ADGRG4: variants seen among roughly 807,000 people sequenced by gnomAD.
ADGRG4 encodes the protein G protein-coupled receptor 112.
ADGRG4 carries 122 observed loss-of-function variants against 126.2 expected under a neutral mutation model. That is an observed-to-expected ratio of 0.97 (90% CI 0.83 to 1.12). The LOEUF (loss-of-function observed/expected upper bound fraction) is 1.12, where lower values mean the gene tolerates loss of function less well. Among genes scored for constraint, ADGRG4 ranks in the 50% most tolerant of loss-of-function variants. The pLI is 0.00. For missense variants in ADGRG4, 2,481 were observed against 2,251.8 expected, an observed-to-expected ratio of 1.10 and a Z score of -2.06; for synonymous variants, 943 against 838.7, an observed-to-expected ratio of 1.12 and a Z score of -2.15.
In ADGRG4 at chrX:136,347,731, C is replaced by T; in HGVS notation, c.4025C>T (p.Thr1342Ile). 1 of 1,210,598 alleles carries T rather than the reference C, an allele frequency of 8.3e-7. No homozygotes were observed. Among genetic ancestry groups the T allele is most frequent in the South Asian group, 1.8e-5 (1 of 56,953 alleles). Residue 1342 changes from threonine to isoleucine, a missense_variant, in exon 6 of 26, where the codon ACC (threonine) becomes ATC (isoleucine). Coordinates refer to ENST00000394143, the MANE Select transcript of ADGRG4 (RefSeq NM_153834.4). Reference protein sequence around the residue: ...PTSGSTQITPTLTSSNTVGVH... With the variant: ...PTSGSTQITPILTSSNTVGVH... ...TCTGGAAGCACACAGATTACACCAA[C>T]CTTGACCTCAAGTAACACAGTAGGT...
intron 4 of ADGRG4, among the ~76,000 whole-genome samples, chrX:136,313,221 G>C (rs1325643545): frequency 1.8e-5 from 2 of 111,997 alleles, no homozygotes; most frequent in South Asian, 3.8e-4. Context: ...ACATTTTGAG[G>C]AGCACGCAGA....
intron 18 of ADGRG4, among the ~76,000 whole-genome samples, 191 bp downstream of exon 18, chrX:136,393,771 G>A (rs1343201387): frequency 9.0e-6 from 1 of 111,402 alleles, no homozygotes; most frequent in Non-Finnish European, 1.9e-5. Flanking sequence ...CTTTTTGATA[G>A]GTAAGATCTC....
chrX:136,385,391 T>G (rs1041913232), intron 15 of ADGRG4, among the ~76,000 whole-genome samples: 1 of 112,267 alleles, frequency 8.9e-6, no homozygotes, highest in African/African-American at 3.2e-5. Flanking sequence ...GTTATATACC[T>G]TAAATACACA....
chrX:136,331,814 T>C (rs759169918), intron 5 of ADGRG4, among the ~76,000 whole-genome samples: 1 of 108,572 alleles, frequency 9.2e-6, no homozygotes, highest in South Asian at 4.0e-4. Context: ...AAAAATATAT[T>C]CTAATTTTTT....
Position 136,349,328 on chromosome X carries a change from T to C in ADGRG4, c.5622T>C (p.Asn1874=), listed in dbSNP as rs752037695. 2.2e-4 allele frequency: 262 copies of C among 1,207,825 alleles called. No individual in the cohort carries two copies. The Admixed American group carries it at 5.7e-3, about 26-fold the overall frequency. The part of the protein sequence containing the change: ...PVLGTRMTSS[N]TQPLLMTSWN... The stretch of plus-strand genomic sequence containing the variant: ...TGGGAACAAGAATGACATCTAGTAA[T>C]ACCCAACCTCTGCTTATGACTTCCT... Residue 1874 remains asparagine, a synonymous_variant, in exon 6 of 26, where the codon AAT becomes AAC. Coordinates refer to ENST00000394143, the MANE Select transcript of ADGRG4 (RefSeq NM_153834.4).
chrX:136,319,723 CT>C (rs1787299419), intron 4 of ADGRG4, among the ~76,000 whole-genome samples: 2 of 108,954 alleles, frequency 1.8e-5, no homozygotes, highest in East Asian at 2.9e-4. Context: ...ATCTATCTAT[CT>C]ATCTATCTAT....
At position 136,349,496 on chromosome X, in the gene ADGRG4, A is replaced by T. The variant is rs1300833166; in HGVS notation, c.5790A>T (p.Val1930=). The T allele has an allele frequency of 2.5e-6, 3 of 1,204,648 alleles. No homozygotes were observed. The highest frequency in any genetic ancestry group is 3.4e-6 in the Non-Finnish European group (3 of 889,140). Residue 1930 remains valine (V), a synonymous_variant, in exon 6 of 26, where the codon GTA becomes GTT. Coordinates refer to ENST00000394143, the MANE Select transcript of ADGRG4 (RefSeq NM_153834.4). ...STFTASQTGL[V]SKDVMAMSSI... is the part of the protein sequence containing the mutation. ...TCACAGCCTCTCAGACTGGTCTAGT[A>T]TCTAAAGATGTCATGGCAATGTCAT...
chrX:136,391,330 T>G, intron 16 of ADGRG4, among the ~76,000 whole-genome samples: 1 of 111,638 alleles, frequency 9.0e-6, no homozygotes, highest in East Asian at 2.8e-4. Context: ...TCTTCACATG[T>G]GCCTGTGCCC....
chrX:136,333,288 T>G (rs755429507), intron 5 of ADGRG4, among the ~76,000 whole-genome samples: 1 of 110,968 alleles, frequency 9.0e-6, no homozygotes, highest in Admixed American at 9.5e-5. Flanking sequence ...GGCAAGGACT[T>G]CATGTATTTT....
chrX:136,345,045 C>T lies in ADGRG4; in HGVS notation c.1339C>T (p.Pro447Ser), dbSNP rs2075004385. The T allele has an allele frequency of 8.3e-7, 1 of 1,210,380 alleles. No individual in the cohort carries two copies. Among genetic ancestry groups the T allele is most frequent in the Non-Finnish European group, 1.1e-6 (1 of 894,360 alleles). The change falls in exon 6 of 26, where the codon CCT (proline) becomes TCT (serine). Residue 447 changes from proline to serine, a missense_variant. Coordinates refer to ENST00000394143, the MANE Select transcript of ADGRG4 (RefSeq NM_153834.4). ...FIESTAAGTV[P>S]WFTVEKTSPA... is the part of the protein sequence containing the mutation. ...TGAATCTACAGCTGCCGGAACTGTA[C>T]CTTGGTTTACAGTGGAAAAGACTTC...
chrX:136,332,946 T>G (rs1293632009), intron 5 of ADGRG4, among the ~76,000 whole-genome samples: 3 of 111,545 alleles, frequency 2.7e-5, no homozygotes, highest in Non-Finnish European at 5.6e-5. Context: ...TTTCTCCCAT[T>G]TTGTAGGTTG....
chrX:136,405,841 T>C lies in ADGRG4; in HGVS notation c.8804T>C (p.Ile2935Thr), dbSNP rs747871674. ...ATCCAGAAGACTCGGCGGAAGATGA[T>C]CCTGCATGACCTCAAAGGCACAATG... is the stretch of plus-strand genomic sequence containing the variant. ...SQIQKTRRKM[I>T]LHDLKGTMSL... The change falls in exon 23 of 26, where the codon ATC becomes ACC. Residue 2935 changes from isoleucine to threonine, a missense_variant. Coordinates refer to ENST00000394143, the MANE Select transcript of ADGRG4 (RefSeq NM_153834.4). 2.5e-6 allele frequency: 3 copies of C among 1,210,856 alleles called. No individual in the cohort carries two copies. In the South Asian group the frequency reaches 5.3e-5, roughly 21 times the overall value.
At chrX:136,301,470 G>A (rs1362143261) in intron 1 of ADGRG4, among the ~76,000 whole-genome samples, 2 of 111,874 alleles carry the variant, frequency 1.8e-5, no homozygotes, top group East Asian at 5.5e-4. Context: ...GGAGTTCTTT[G>A]TAGATTCTGG....
At chrX:136,366,414 C>T (rs1295447660) in intron 13 of ADGRG4, among the ~76,000 whole-genome samples, 1 of 112,260 alleles carries the variant, frequency 8.9e-6, no homozygotes, top group East Asian at 2.8e-4. Context: ...TCTGGATGTA[C>T]CACAGTTTAT....
At chrX:136,372,721 T>A (rs1351295545) in intron 14 of ADGRG4, among the ~76,000 whole-genome samples, 181 bp from the exon 15 acceptor site, 1 of 112,249 alleles carries the variant, frequency 8.9e-6, no homozygotes, top group Non-Finnish European at 1.9e-5. Context: ...TTAGAGAAGC[T>A]AAGATTTAGG....
chrX:136,337,931 T>C (rs1325159363), intron 5 of ADGRG4, among the ~76,000 whole-genome samples: 6 of 111,560 alleles, frequency 5.4e-5, no homozygotes, highest in Non-Finnish European at 1.9e-5. Flanking sequence ...TTTAAGGCTA[T>C]GGTAATATGA....
chrX:136,333,220 T>G (rs1356854085), intron 5 of ADGRG4, among the ~76,000 whole-genome samples: 1 of 111,369 alleles, frequency 9.0e-6, no homozygotes, highest in Non-Finnish European at 1.9e-5. Flanking sequence ...ACGTTAGACC[T>G]AAAACCATAA....
In ADGRG4 at chrX:136,353,335, A is replaced by G; in HGVS notation, c.6823-2A>G. 8.5e-7 allele frequency: 1 copy of G among 1,173,002 alleles called. No homozygotes were observed. The highest frequency in any genetic ancestry group is 1.2e-6 in the Non-Finnish European group (1 of 861,880). On this transcript the variant is annotated splice_acceptor_variant, in intron 7 of 25. Coordinates refer to ENST00000394143, the MANE Select transcript of ADGRG4 (RefSeq NM_153834.4). LOFTEE classifies it high-confidence loss of function. ...AAACTGATTTTTTTTTGTCTTGTAC[A>G]GTTGAATTCTATATTTCAGAACAGT...
In ADGRG4 at chrX:136,344,609, A is replaced by T; in HGVS notation, c.903A>T (p.Lys301Asn). The T allele has an allele frequency of 3.3e-6, 4 of 1,208,817 alleles. No individual in the cohort carries two copies. Among genetic ancestry groups the T allele is most frequent in the Non-Finnish European group, 4.5e-6 (4 of 893,533 alleles). The change falls in exon 6 of 26, where the codon AAA becomes AAT. Residue 301 changes from lysine to asparagine, a missense_variant. By Grantham distance (94) the Lys-to-Asn change is moderately conservative. Coordinates refer to ENST00000394143, the MANE Select transcript of ADGRG4 (RefSeq NM_153834.4). ...CTCTGGAAACAATGACTGCACAAAAAATCTTAAAGACACTGGTAGATGAGA... is the reference window on the plus strand; with the variant it reads ...CTCTGGAAACAATGACTGCACAAAATATCTTAAAGACACTGGTAGATGAGA... Reference protein sequence around the residue: ...SPPLETMTAQKILKTLVDETA... With the variant: ...SPPLETMTAQNILKTLVDETA...
Sources: allele counts gnomAD v4.1 joint callset (sites outside exome capture counted in the v4.1 genomes callset), GRCh38; gene constraint gnomAD v4.1.1; transcripts MANE v1.5; gene names NCBI Gene and HGNC (gene_info 2026-07-23, HGNC 2026-07-21).